The following KIAA1671 variants were observed in gnomAD, a reference collection of about 807,000 sequenced individuals.
KIAA1671 encodes KIAA1671.
In KIAA1671, 52 loss-of-function variants were observed where a neutral mutation model predicts 131.2. The observed-to-expected ratio is 0.40, with a 90% CI of 0.32 to 0.50. The LOEUF (loss-of-function observed/expected upper bound fraction) is 0.50, where lower values mean the gene tolerates loss of function less well. Ranked by LOEUF, KIAA1671 falls within the 20% of genes least tolerant of loss-of-function variation. KIAA1671 has a pLI of 0.73. For missense variants in KIAA1671, 2,360 were observed against 2,364.2 expected, an observed-to-expected ratio of 1.00 and a Z score of 0.04; for synonymous variants, 1,003 against 961.6, an observed-to-expected ratio of 1.04 and a Z score of -0.80.
chr22:25,034,697 A>G (rs1823871559), intron 4 of KIAA1671, among the ~76,000 whole-genome samples: 2 of 151,918 alleles, frequency 1.3e-5, no homozygotes, highest in South Asian at 2.1e-4. Context: ...AAGAGCTTCT[A>G]TTTCTTTTCT....
intron 5 of KIAA1671, among the ~76,000 whole-genome samples, chr22:25,044,453 A>AGG (rs1376040965): frequency 6.6e-6 from 1 of 151,872 alleles, no homozygotes; most frequent in South Asian, 2.1e-4. Flanking sequence ...GATGTTGTGG[A>AGG]GGGGGGATCC....
At chr22:25,134,451 A>G (rs1932584627) in intron 6 of KIAA1671, among the ~76,000 whole-genome samples, 1 of 151,990 alleles carries the variant, frequency 6.6e-6, no homozygotes, top group Non-Finnish European at 1.5e-5. Context: ...CGGTTTTTTC[A>G]TTATTGTTTT....
chr22:25,045,684 G>A (rs1484413078), intron 5 of KIAA1671, among the ~76,000 whole-genome samples: 2 of 152,090 alleles, frequency 1.3e-5, no homozygotes, highest in African/African-American at 4.8e-5. Flanking sequence ...CCGCCTCCCG[G>A]GTTCAAGTGA....
At chr22:24,979,329 A>C (rs1923094056) in intron 1 of KIAA1671, among the ~76,000 whole-genome samples, 1 of 138,170 alleles carries the variant, frequency 7.2e-6, no homozygotes, top group Non-Finnish European at 1.5e-5. Context: ...CATCTTAATA[A>C]TTTATTTTAT....
chr22:25,019,251 C>T (rs1462162721), intron 1 of KIAA1671, among the ~76,000 whole-genome samples: 3 of 152,108 alleles, frequency 2.0e-5, no homozygotes, highest in Non-Finnish European at 2.9e-5. Flanking sequence ...ATGGGCAAGT[C>T]ACAGCACTCC....
At chr22:25,166,122 G>A (rs573869494) in intron 6 of KIAA1671, among the ~76,000 whole-genome samples, 102 of 152,330 alleles carry the variant, frequency 6.7e-4, no homozygotes, top group Admixed American at 2.1e-3. Context: ...GGAAGCTGCC[G>A]CCGTGGGTGA....
intron 3 of KIAA1671, among the ~76,000 whole-genome samples, chr22:25,031,162 G>A (rs1432452021): frequency 1.3e-5 from 2 of 151,494 alleles, no homozygotes; most frequent in African/African-American, 4.8e-5. Flanking sequence ...CAGTAGCTGG[G>A]ATTACAGGCA....
At chr22:24,997,447 T>C (rs10427797) in intron 1 of KIAA1671, among the ~76,000 whole-genome samples, 6,755 of 152,148 alleles carry the variant, frequency 0.044, 523 homozygotes, top group African/African-American at 0.15. Flanking sequence ...AGAGGGGAAA[T>C]TGCCGGTATG....
At chr22:25,117,224 G>A (rs1931711236) in intron 6 of KIAA1671, among the ~76,000 whole-genome samples, 1 of 152,176 alleles carries the variant, frequency 6.6e-6, no homozygotes, top group Admixed American at 6.5e-5. Context: ...TATTCTCCCA[G>A]TGACTTAAAT....
chr22:25,085,919 T>G (rs1326563280), intron 6 of KIAA1671, among the ~76,000 whole-genome samples: 1 of 151,998 alleles, frequency 6.6e-6, no homozygotes, highest in Non-Finnish European at 1.5e-5. Flanking sequence ...AATGAAAGAA[T>G]GAATGGATGA....
chr22:24,964,680 C>T (rs1240393200), intron 1 of KIAA1671, among the ~76,000 whole-genome samples: 6 of 152,282 alleles, frequency 3.9e-5, no homozygotes, highest in South Asian at 4.1e-4. Flanking sequence ...GCCTCAGCCT[C>T]CCAAAGTGCT....
intron 6 of KIAA1671, among the ~76,000 whole-genome samples, chr22:25,167,210 C>T (rs1933674882): frequency 1.3e-5 from 2 of 152,240 alleles, no homozygotes; most frequent in Non-Finnish European, 2.9e-5. Flanking sequence ...TGCATCCCTA[C>T]AGCGTGCTAA....
chr22:24,988,865 T>A (rs1266980285), intron 1 of KIAA1671, among the ~76,000 whole-genome samples: 4 of 152,086 alleles, frequency 2.6e-5, no homozygotes, highest in African/African-American at 9.7e-5. Flanking sequence ...TGCTGGAGTT[T>A]TCAGTGTCCA....
intron 8 of KIAA1671, 182 bp downstream of exon 8, chr22:25,174,671 C>A: frequency 1.6e-6 from 1 of 621,492 alleles, no homozygotes; most frequent in Non-Finnish European, 2.6e-6. Flanking sequence ...TGCTGTGTGT[C>A]TTGGGGCAAA....
At chr22:25,027,415 T>C (rs961755008) in intron 2 of KIAA1671, among the ~76,000 whole-genome samples, 8 of 152,172 alleles carry the variant, frequency 5.3e-5, no homozygotes, top group African/African-American at 1.7e-4. Flanking sequence ...CACTTGTGAT[T>C]AGGATCACCT....
intron 1 of KIAA1671, chr22:25,010,845 A>G (rs1051284628): frequency 2.0e-5 from 3 of 152,222 alleles, no homozygotes; most frequent in African/African-American, 7.2e-5. Context: ...TGGCTTAACT[A>G]TATATCAAGT....
chr22:24,963,527 T>TTC (rs1457055032), intron 1 of KIAA1671, among the ~76,000 whole-genome samples: 5 of 152,112 alleles, frequency 3.3e-5, no homozygotes, highest in Non-Finnish European at 5.9e-5. Flanking sequence ...CTGGCTCCAC[T>TTC]TCTCTTAGCA....
chr22:25,110,767 C>T (rs1010630182), intron 6 of KIAA1671, among the ~76,000 whole-genome samples: 2 of 152,160 alleles, frequency 1.3e-5, no homozygotes, highest in Non-Finnish European at 2.9e-5. Context: ...GTACTCCAGC[C>T]CTGTAAGGGT....
chr22:25,096,149 G>C (rs972810790), intron 6 of KIAA1671, among the ~76,000 whole-genome samples: 1 of 152,222 alleles, frequency 6.6e-6, no homozygotes, highest in African/African-American at 2.4e-5. Flanking sequence ...GGCCTTGTCA[G>C]ATGAGGAGAG....
Sources: gnomAD v4.1 joint callset for allele counts (sites outside exome capture counted in the v4.1 genomes callset) on GRCh38, gnomAD v4.1.1 for gene constraint, MANE v1.5 for transcripts, NCBI Gene and HGNC (gene_info 2026-07-23, HGNC 2026-07-21) for gene names.